The following TSHZ2 variants were observed in gnomAD, a reference collection of about 807,000 sequenced individuals.
TSHZ2 encodes teashirt homolog 2.
Under a neutral mutation model 74.4 loss-of-function variants are expected in TSHZ2, and 21 were observed. The ratio of observed to expected loss-of-function variants is 0.28; its 90% CI spans 0.20 to 0.41. The LOEUF (loss-of-function observed/expected upper bound fraction) is 0.41, where lower values mean the gene tolerates loss of function less well. Ranked by LOEUF, TSHZ2 falls within the 10% of genes least tolerant of loss-of-function variation. The probability of loss-of-function intolerance (pLI) is 1.00; values close to 1 mark genes in which losing one functional copy is unlikely to be tolerated. For missense variants in TSHZ2, 1,244 were observed against 1,293.5 expected, an observed-to-expected ratio of 0.96 and a Z score of 0.59; for synonymous variants, 540 against 515.3, an observed-to-expected ratio of 1.05 and a Z score of -0.65.
intron 1 of TSHZ2, among the ~76,000 whole-genome samples, chr20:53,149,197 A>G (rs570871573): frequency 5.8e-4 from 87 of 150,064 alleles, no homozygotes; most frequent in Non-Finnish European, 9.8e-4. Context: ...TTTTTTTTTA[A>G]AGTTGATTTC....
intron 1 of TSHZ2, among the ~76,000 whole-genome samples, chr20:53,163,497 C>T (rs956820057): frequency 1.3e-5 from 2 of 150,654 alleles, no homozygotes; most frequent in Admixed American, 6.6e-5. Context: ...TACATGTGCA[C>T]ATTGTGCAGG....
intron 1 of TSHZ2, among the ~76,000 whole-genome samples, chr20:53,056,627 A>C (rs1287745464): frequency 4.6e-5 from 7 of 152,228 alleles, no homozygotes; most frequent in African/African-American, 1.7e-4. Flanking sequence ...ATTGCGTCAT[A>C]TTCCTCCATA....
At chr20:53,046,808 T>C (rs929415749) in intron 1 of TSHZ2, among the ~76,000 whole-genome samples, 1 of 152,216 alleles carries the variant, frequency 6.6e-6, no homozygotes, top group South Asian at 2.1e-4. Flanking sequence ...GGGATGCTAA[T>C]ACTAACCTGT....
intron 1 of TSHZ2, among the ~76,000 whole-genome samples, chr20:53,033,271 G>A (rs1983702364): frequency 1.3e-5 from 2 of 152,214 alleles, no homozygotes; most frequent in African/African-American, 4.8e-5. Context: ...CCGGCTGAAA[G>A]CAGGTGGCTT....
rs185374358 is a variant in TSHZ2, at chr20:53,112,483, C to T, written c.40+139150C>T. Among the ~76,000 whole-genome samples the T allele has an allele frequency of 2.3e-4, 35 of 152,284 alleles. No homozygotes were observed. In the East Asian group the frequency reaches 5.2e-3, roughly 23 times the overall value. Reference sequence around the variant, plus strand: ...CCTTCCTTCCAATTACTCTCAGAATCATATTCAGATTAGGGATAATCCTAA... The same window carrying T: ...CCTTCCTTCCAATTACTCTCAGAATTATATTCAGATTAGGGATAATCCTAA... On this transcript the variant is annotated intron_variant, in intron 1 of 2. Transcript: ENST00000371497.
At chr20:53,348,864 C>T (rs943425859) in intron 2 of TSHZ2, among the ~76,000 whole-genome samples, 5 of 152,212 alleles carry the variant, frequency 3.3e-5, no homozygotes, top group African/African-American at 1.2e-4. Context: ...GTTGCCCTGA[C>T]TGCAAAGATT....
chr20:53,175,968 T>A (rs1251620210), intron 1 of TSHZ2, among the ~76,000 whole-genome samples: 1 of 152,126 alleles, frequency 6.6e-6, no homozygotes, highest in Non-Finnish European at 1.5e-5. Flanking sequence ...AAAACGTAAA[T>A]AAATAAACAA....
intron 1 of TSHZ2, among the ~76,000 whole-genome samples, chr20:53,081,103 A>G (rs1985519828): frequency 6.6e-6 from 1 of 152,188 alleles, no homozygotes; most frequent in South Asian, 2.1e-4. Flanking sequence ...GTAGCCTCAA[A>G]CTGCTGGGCT....
At chr20:53,341,774 G>A (rs987519154) in intron 2 of TSHZ2, among the ~76,000 whole-genome samples, 1 of 152,056 alleles carries the variant, frequency 6.6e-6, no homozygotes, top group African/African-American at 2.4e-5. Flanking sequence ...GCAATGATGT[G>A]ACCTCAACTC....
chr20:53,478,524 A>C (rs28709895), intron 2 of TSHZ2, among the ~76,000 whole-genome samples: 1 of 71,274 alleles, frequency 1.4e-5, no homozygotes, highest in Admixed American at 2.1e-4. Flanking sequence ...GGGTGGGGGG[A>C]GGGGGGAGGG....
At chr20:53,125,104 G>C in intron 1 of TSHZ2, among the ~76,000 whole-genome samples, 1 of 152,188 alleles carries the variant, frequency 6.6e-6, no homozygotes, top group East Asian at 1.9e-4. Flanking sequence ...ATGCGATTTT[G>C]TCATCTCGAA....
intron 1 of TSHZ2, among the ~76,000 whole-genome samples, chr20:53,003,281 TG>T (rs1982508984): frequency 6.6e-6 from 1 of 151,610 alleles, no homozygotes; most frequent in Admixed American, 6.6e-5. Context: ...TGTGTGTGTG[TG>T]TGTGTGTGTG....
chr20:53,086,840 A>T (rs2123247408), intron 1 of TSHZ2, among the ~76,000 whole-genome samples: 1 of 152,324 alleles, frequency 6.6e-6, no homozygotes, highest in East Asian at 1.9e-4. Flanking sequence ...ATAGCAATGA[A>T]CCAATCAAAT....
At chr20:53,378,873 A>G (rs1981756055) in intron 2 of TSHZ2, among the ~76,000 whole-genome samples, 1 of 152,226 alleles carries the variant, frequency 6.6e-6, no homozygotes, top group South Asian at 2.1e-4. Context: ...AAATAATATG[A>G]GAGATGATAT....
At chr20:53,160,564 T>C (rs1182288604) in intron 1 of TSHZ2, among the ~76,000 whole-genome samples, 1 of 151,054 alleles carries the variant, frequency 6.6e-6, no homozygotes, top group African/African-American at 2.4e-5. Context: ...AGACCAGGAG[T>C]TCAAGACCAG....
At chr20:53,460,191 C>A (rs951736750) in intron 2 of TSHZ2, among the ~76,000 whole-genome samples, 3 of 151,792 alleles carry the variant, frequency 2.0e-5, no homozygotes, top group Non-Finnish European at 4.4e-5. Flanking sequence ...CTTTCAGGTA[C>A]ACCAATCAGA....
chr20:53,080,236 T>C (rs1985489453), intron 1 of TSHZ2, among the ~76,000 whole-genome samples: 1 of 152,170 alleles, frequency 6.6e-6, no homozygotes, highest in African/African-American at 2.4e-5. Context: ...TAATCAAACA[T>C]TGTGAATAGT....
chr20:53,190,389 A>T (rs989579132), intron 1 of TSHZ2, among the ~76,000 whole-genome samples: 2 of 151,518 alleles, frequency 1.3e-5, no homozygotes, highest in African/African-American at 4.8e-5. Context: ...CAAAGACAGG[A>T]AGTGGCAGCA....
intron 1 of TSHZ2, among the ~76,000 whole-genome samples, chr20:52,991,333 AGAGAGTGTGAAAG>A (rs1416922251): frequency 9.5e-5 from 11 of 115,198 alleles, no homozygotes; most frequent in African/African-American, 3.4e-4. Flanking sequence ...TTGTGGGGGG[AGAGAGTGTGAAAG>A]CTTTTCTGAT....
Sources: gnomAD v4.1 joint callset for allele counts (sites outside exome capture counted in the v4.1 genomes callset) on GRCh38, gnomAD v4.1.1 for gene constraint, MANE v1.5 for transcripts, NCBI Gene and HGNC (gene_info 2026-07-23, HGNC 2026-07-21) for gene names.